SYT1: variants seen among roughly 807,000 people sequenced by gnomAD.
The protein encoded by SYT1 is synaptotagmin-1.
A neutral mutation model predicts 44.8 loss-of-function variants in SYT1; 8 were observed. The ratio of observed to expected loss-of-function variants is 0.18; its 90% CI spans 0.10 to 0.32. The LOEUF (loss-of-function observed/expected upper bound fraction) is 0.32. Among genes scored for constraint, SYT1 ranks in the 10% least tolerant of loss-of-function variants. The pLI is 1.00. For missense variants in SYT1, 286 were observed against 509.3 expected (o/e 0.56, Z 4.22); for synonymous variants, 154 against 188.8 (o/e 0.82, Z 1.51).
intron 8 of SYT1, among the ~76,000 whole-genome samples, chr12:79,309,360 C>G (rs1214049099): frequency 6.6e-6 from 1 of 151,004 alleles, no homozygotes; most frequent in African/African-American, 2.4e-5. Context: ...CTCCCATGTT[C>G]TATTTTGAAA....
At chr12:79,185,553 T>C (rs1475021064) in intron 3 of SYT1, among the ~76,000 whole-genome samples, 2 of 152,004 alleles carry the variant, frequency 1.3e-5, no homozygotes, top group African/African-American at 4.8e-5. Flanking sequence ...TTCAAGGAGC[T>C]GACATCTTTA....
intron 2 of SYT1, among the ~76,000 whole-genome samples, chr12:78,980,118 G>A (rs1869139654): frequency 6.6e-6 from 1 of 152,064 alleles, no homozygotes; most frequent in Admixed American, 6.6e-5. Flanking sequence ...AGTGCGGCAA[G>A]TAAGACATGT....
intron 9 of SYT1, among the ~76,000 whole-genome samples, chr12:79,366,854 CAGG>C (rs1191976375): frequency 6.7e-6 from 1 of 149,750 alleles, no homozygotes; most frequent in Non-Finnish European, 1.5e-5. Flanking sequence ...ATCCTGGCTC[CAGG>C]AGAATGTGTG....
At chr12:79,205,569 T>A (rs1874073550) in intron 3 of SYT1, among the ~76,000 whole-genome samples, 1 of 152,214 alleles carries the variant, frequency 6.6e-6, no homozygotes, top group Non-Finnish European at 1.5e-5. Flanking sequence ...ATGTACCATA[T>A]TTTTAAGATT....
At chr12:79,383,981 A>T (rs1884328024) in intron 9 of SYT1, among the ~76,000 whole-genome samples, 1 of 152,176 alleles carries the variant, frequency 6.6e-6, no homozygotes, top group South Asian at 2.1e-4. Flanking sequence ...TTTTAGAAGT[A>T]TTATTTGTGT....
intron 3 of SYT1, among the ~76,000 whole-genome samples, chr12:79,179,699 C>T (rs1389693890): frequency 2.0e-5 from 3 of 151,504 alleles, no homozygotes; most frequent in African/African-American, 4.8e-5. Flanking sequence ...GGATTACAGG[C>T]GGGAGCCACC....
At position 78,957,200 on chromosome 12, in the gene SYT1, G is replaced by A. The variant is rs369171217; in HGVS notation, c.-216-20599G>A. On this transcript the variant is annotated intron_variant, in intron 1 of 10. Transcript: ENST00000261205. ...AAGAACACCTAAAACCGGTCACAGT[G>A]GCTCATGCCTGAAATCCCAGCCCTT... is the stretch of plus-strand genomic sequence containing the variant. Among the ~76,000 whole-genome samples, 14 of 152,240 alleles carry A rather than the reference G, an allele frequency of 9.2e-5. 1 individual carries two copies. The highest frequency in any genetic ancestry group is 4.6e-4 in the Admixed American group (7 of 15,266).
At chr12:78,889,945 A>T (rs1245097792) in intron 1 of SYT1, among the ~76,000 whole-genome samples, 1 of 151,956 alleles carries the variant, frequency 6.6e-6, no homozygotes, top group East Asian at 1.9e-4. Flanking sequence ...AGCAGTTTAC[A>T]CTGACACAGA....
chr12:79,261,764 T>C (rs1415362407), intron 4 of SYT1, among the ~76,000 whole-genome samples: 1 of 152,210 alleles, frequency 6.6e-6, no homozygotes, highest in Non-Finnish European at 1.5e-5. Context: ...TATTGCGGTA[T>C]TATTATTTCA....
chr12:79,102,238 C>T (rs1035757550), intron 3 of SYT1, among the ~76,000 whole-genome samples: 6 of 150,982 alleles, frequency 4.0e-5, no homozygotes, highest in African/African-American at 9.8e-5. Context: ...CATATGTCCC[C>T]TCTCCCTCTC....
At chr12:79,104,127 A>G (rs944753658) in intron 3 of SYT1, among the ~76,000 whole-genome samples, 8 of 151,844 alleles carry the variant, frequency 5.3e-5, no homozygotes, top group Middle Eastern at 3.2e-3. Context: ...TTATAAAAAA[A>G]TTATGTTGAC....
chr12:79,149,818 A>G (rs1870154074), intron 3 of SYT1, among the ~76,000 whole-genome samples: 1 of 152,166 alleles, frequency 6.6e-6, no homozygotes. Context: ...ATCTGTATTC[A>G]TAATAGACCA....
chr12:79,213,300 C>T (rs1452471759), intron 3 of SYT1, among the ~76,000 whole-genome samples: 2 of 152,068 alleles, frequency 1.3e-5, no homozygotes, highest in Non-Finnish European at 2.9e-5. Context: ...CCAAAAACTC[C>T]TCCAAAAAAC....
intron 8 of SYT1, among the ~76,000 whole-genome samples, chr12:79,313,515 A>T (rs1247312009): frequency 1.3e-5 from 2 of 151,876 alleles, no homozygotes; most frequent in Non-Finnish European, 2.9e-5. Context: ...CAAATTGTGT[A>T]GGATAAGTTA....
intron 3 of SYT1, among the ~76,000 whole-genome samples, chr12:79,058,471 C>T (rs1875128644): frequency 6.6e-6 from 1 of 152,058 alleles, no homozygotes; most frequent in African/African-American, 2.4e-5. Flanking sequence ...AATGCTGTTT[C>T]CCAACTGATA....
chr12:79,186,272 A>G (rs1459325501), intron 3 of SYT1, among the ~76,000 whole-genome samples: 2 of 152,000 alleles, frequency 1.3e-5, no homozygotes, highest in African/African-American at 4.8e-5. Flanking sequence ...TACCTATGTT[A>G]GTTTGTATTT....
intron 3 of SYT1, among the ~76,000 whole-genome samples, chr12:79,109,974 AGT>A (rs1878924791): frequency 6.6e-6 from 1 of 152,246 alleles, no homozygotes; most frequent in Non-Finnish European, 1.5e-5. Flanking sequence ...AAAATAAATT[AGT>A]CTCATATGAT....
chr12:79,319,207 T>C (rs1881240973), intron 8 of SYT1, among the ~76,000 whole-genome samples: 1 of 152,134 alleles, frequency 6.6e-6, no homozygotes, highest in South Asian at 2.1e-4. Context: ...AACAGTGCTC[T>C]CTATTTCCTG....
Position 79,450,713 on chromosome 12 carries a change from T to A in SYT1, c.*1589T>A, listed in dbSNP as rs1014154940. On this transcript the variant is annotated 3_prime_UTR_variant, in exon 11 of 11. Coordinates refer to ENST00000261205, the MANE Select transcript of SYT1 (RefSeq NM_005639.3). ...CCCAAGGTGTGTGTAGCACAAACAG[T>A]TCTCATTACAAAGGACCAATTCAGA... The A allele has an allele frequency of 5.2e-5, 8 of 152,762 alleles. No individual in the cohort carries two copies. The highest frequency in any genetic ancestry group is 1.9e-4 in the African/African-American group (8 of 41,578). 9.5% of individuals were successfully genotyped at this position (152,762 alleles called of 1,614,324 possible). A position where few individuals can be genotyped will look rare whatever the true frequency, so the allele number is the denominator to read the frequency against.
Sources: allele counts gnomAD v4.1 joint callset (sites outside exome capture counted in the v4.1 genomes callset), GRCh38; gene constraint gnomAD v4.1.1; transcripts MANE v1.5; gene names NCBI Gene and HGNC (gene_info 2026-07-23, HGNC 2026-07-21).